PHF2: variants seen among roughly 807,000 people sequenced by gnomAD.
The protein encoded by PHF2 is PHD finger protein 2.
Under a neutral mutation model 120.5 loss-of-function variants are expected in PHF2, and 27 were observed. That is an observed-to-expected ratio of 0.22 (90% confidence interval 0.17 to 0.31). The LOEUF is 0.31. Among genes scored for constraint, PHF2 ranks in the 10% least tolerant of loss-of-function variants. The probability of loss-of-function intolerance (pLI) is 1.00; values close to 1 mark genes in which losing one functional copy is unlikely to be tolerated. For synonymous variants in PHF2, 568 were observed against 592.5 expected (o/e 0.96, Z 0.60); for missense variants, 1,024 against 1,434.8 (o/e 0.71, Z 4.63).
At chr9:93,670,423 T>C (rs781338783) in intron 17 of PHF2, among the ~76,000 whole-genome samples, 9 of 152,204 alleles carry the variant, frequency 5.9e-5, no homozygotes, top group Non-Finnish European at 1.0e-4. Flanking sequence ...CCTGGCTACA[T>C]ACAGCATCTG....
intron 1 of PHF2, among the ~76,000 whole-genome samples, chr9:93,577,076 G>T (rs1395607158): frequency 6.8e-6 from 1 of 146,930 alleles, no homozygotes; most frequent in Non-Finnish European, 1.5e-5. Flanking sequence ...GCCAAGCACG[G>T]GGCCCGCGCT....
Position 93,593,104 on chromosome 9 carries a change from A to AAAAAAG in PHF2, c.98+16238_98+16239insGAAAAA, listed in dbSNP as rs1564373957. Among the ~76,000 whole-genome samples the AAAAAAG allele has an allele frequency of 3.7e-4, 7 of 18,968 alleles. 1 individual carries two copies. The highest frequency in any genetic ancestry group is 5.5e-4 in the Non-Finnish European group (4 of 7,332). 12.4% of individuals were successfully genotyped at this position (18,968 alleles called of 152,430 possible). ...TATGCCAAAAAAAAAAAAAAAAAAA[A>AAAAAAG]AAAAAAAGAAAAAAAAAGGACTAAG... On this transcript the variant is annotated intron_variant, in intron 1 of 21. Coordinates refer to ENST00000359246, the MANE Select transcript of PHF2 (RefSeq NM_005392.4).
intron 3 of PHF2, among the ~76,000 whole-genome samples, chr9:93,637,999 C>T (rs1274259263): frequency 6.6e-6 from 1 of 152,126 alleles, no homozygotes; most frequent in African/African-American, 2.4e-5. Flanking sequence ...GAACTGGTAT[C>T]TTATTTTTTG....
chr9:93,659,632 C>T (rs1826523468), intron 11 of PHF2, 32 bp downstream of exon 11: 4 of 1,595,772 alleles, frequency 2.5e-6, no homozygotes, highest in Non-Finnish European at 3.4e-6. Context: ...GGGCTGGACC[C>T]CTGGGGATTG....
At chr9:93,662,425 AAAT>A (rs1441974729) in intron 12 of PHF2, among the ~76,000 whole-genome samples, 2 of 147,720 alleles carry the variant, frequency 1.4e-5, no homozygotes, top group African/African-American at 5.0e-5. Flanking sequence ...ATAGATGAAA[AAAT>A]GGATGGATGG....
intron 1 of PHF2, among the ~76,000 whole-genome samples, chr9:93,601,140 A>ATCCTTACT (rs1825431433): frequency 6.6e-6 from 1 of 152,208 alleles, no homozygotes; most frequent in African/African-American, 2.4e-5. Context: ...AAGGCATATT[A>ATCCTTACT]TCCTTACTTC....
rs1315180447 is a variant in PHF2, at chr9:93,595,642, T to C, written c.98+18771T>C. On this transcript the variant is annotated intron_variant, in intron 1 of 21. Transcript: ENST00000359246. ...ACACACTTTATACACAGACCGAGATTTGCATCTTCTGTGAACAAGGATGAG... is the reference window on the plus strand; with the variant it reads ...ACACACTTTATACACAGACCGAGATCTGCATCTTCTGTGAACAAGGATGAG... Among the ~76,000 whole-genome samples, 8 of 152,228 alleles carry C rather than the reference T, an allele frequency of 5.3e-5. No individual in the cohort carries two copies. In the South Asian group the frequency reaches 1.7e-3, roughly 31 times the overall value.
At chr9:93,619,255 C>T (rs1300487764) in intron 1 of PHF2, among the ~76,000 whole-genome samples, 1 of 152,144 alleles carries the variant, frequency 6.6e-6, no homozygotes, top group East Asian at 1.9e-4. Context: ...CAAGCTGAGA[C>T]ACAGACCCTT....
chr9:93,630,671 G>C (rs954767627), intron 2 of PHF2, among the ~76,000 whole-genome samples: 4 of 152,202 alleles, frequency 2.6e-5, no homozygotes, highest in Non-Finnish European at 5.9e-5. Flanking sequence ...GGTTCACCCT[G>C]TGCAGGTTCA....
intron 1 of PHF2, among the ~76,000 whole-genome samples, chr9:93,598,187 A>T (rs1181028835): frequency 6.6e-6 from 1 of 152,250 alleles, no homozygotes; most frequent in Non-Finnish European, 1.5e-5. Context: ...TGAGAAGTCC[A>T]GATGCCTCTA....
intron 1 of PHF2, among the ~76,000 whole-genome samples, chr9:93,597,930 C>G (rs549752402): frequency 6.6e-6 from 1 of 152,202 alleles, no homozygotes. Context: ...TGGCCTGACA[C>G]CTCTACTCCT....
Position 93,656,803 on chromosome 9 carries a change from G to A in PHF2, c.1147+208G>A, listed in dbSNP as rs10992831. Among the ~76,000 whole-genome samples the A allele has an allele frequency of 0.34, 51,401 of 152,026 alleles. 9,116 individuals are homozygous for A. Among genetic ancestry groups the A allele is most frequent in the Non-Finnish European group, 0.39 (26,693 of 67,952 alleles). Reference sequence around the variant, plus strand: ...CAGGCTGGGCCTCTCCTTCCGATTGGACTGTCCCTTGTTTTAGAACGAACA... The same window carrying A: ...CAGGCTGGGCCTCTCCTTCCGATTGAACTGTCCCTTGTTTTAGAACGAACA... On this transcript the variant is annotated intron_variant, in intron 9 of 21. Coordinates refer to ENST00000359246, the MANE Select transcript of PHF2 (RefSeq NM_005392.4). The surrounding 1 kb of genome is among the most constrained non-coding windows in gnomAD (Gnocchi z 4.1).
intron 3 of PHF2, among the ~76,000 whole-genome samples, chr9:93,640,366 G>A (rs763059638): frequency 7.9e-5 from 12 of 151,732 alleles, no homozygotes; most frequent in Non-Finnish European, 1.8e-4. Flanking sequence ...GATATTCTGC[G>A]CCTCCCCTTG....
At chr9:93,673,991 C>A in intron 18 of PHF2, 129 bp downstream of exon 18, 2 of 1,019,022 alleles carry the variant, frequency 2.0e-6, no homozygotes, top group Non-Finnish European at 2.7e-6. Context: ...AAACCCTCGG[C>A]CTCTGACTGC....
chr9:93,623,070 G>A (rs1825851064), intron 1 of PHF2, among the ~76,000 whole-genome samples: 2 of 152,156 alleles, frequency 1.3e-5, no homozygotes. Flanking sequence ...GAGCAGCCAG[G>A]GGCCAGGTGA....
At chr9:93,583,605 T>C (rs752632672) in intron 1 of PHF2, among the ~76,000 whole-genome samples, 8 of 152,072 alleles carry the variant, frequency 5.3e-5, no homozygotes, top group Admixed American at 2.6e-4. Context: ...GCTATTCTAG[T>C]GGGTATAAAG....
chr9:93,584,093 G>T (rs1452214313), intron 1 of PHF2, among the ~76,000 whole-genome samples: 1 of 152,150 alleles, frequency 6.6e-6, no homozygotes, highest in African/African-American at 2.4e-5. Context: ...CTCCCAAAGT[G>T]CTGGGATTAT....
At chr9:93,645,892 G>A (rs1826250149) in intron 4 of PHF2, 103 bp downstream of exon 4, 5 of 1,335,840 alleles carry the variant, frequency 3.7e-6, no homozygotes, top group East Asian at 5.1e-5. Flanking sequence ...GTGTCCATGT[G>A]TGCCGTGAGC....
intron 2 of PHF2, among the ~76,000 whole-genome samples, chr9:93,635,757 C>T (rs1826079361): frequency 6.6e-6 from 1 of 152,204 alleles, no homozygotes; most frequent in Admixed American, 6.5e-5. Flanking sequence ...CATGTGCTCA[C>T]ATGCACATGT....
Sources: gnomAD v4.1 joint callset for allele counts (sites outside exome capture counted in the v4.1 genomes callset) on GRCh38, gnomAD v4.1.1 for gene constraint, Gnocchi (gnomAD v3.1) non-coding constraint, MANE v1.5 for transcripts, NCBI Gene and HGNC (gene_info 2026-07-23, HGNC 2026-07-21) for gene names.